The following USP10 variants were observed in gnomAD, a reference collection of about 807,000 sequenced individuals.
USP10 encodes the protein ubiquitin carboxyl-terminal hydrolase 10.
USP10 carries 22 observed loss-of-function variants against 84.5 expected under a neutral mutation model. The ratio of observed to expected loss-of-function variants is 0.26; its 90% CI spans 0.19 to 0.37. The LOEUF (loss-of-function observed/expected upper bound fraction) is 0.37, where lower values mean the gene tolerates loss of function less well. USP10 is among the 10% of genes least tolerant of loss of function. The pLI, the probability that USP10 is intolerant of heterozygous loss-of-function variation, is 1.00. For synonymous variants in USP10, 454 were observed against 387.6 expected, an observed-to-expected ratio of 1.17 and a Z score of -2.01; for missense variants, 1,019 against 998.9, an observed-to-expected ratio of 1.02 and a Z score of -0.27.
intron 10 of USP10, among the ~76,000 whole-genome samples, chr16:84,765,843 C>T (rs1166379987): frequency 6.6e-6 from 1 of 152,180 alleles, no homozygotes; most frequent in Non-Finnish European, 1.5e-5. Context: ...CAGCTTTTTG[C>T]TCATTCACAA....
At chr16:84,737,125 T>C (rs996555616) in intron 2 of USP10, among the ~76,000 whole-genome samples, 1 of 152,200 alleles carries the variant, frequency 6.6e-6, no homozygotes, top group Admixed American at 6.5e-5. Flanking sequence ...AGGAGGGCTT[T>C]GTGGTTCAGG....
Position 84,759,902 on chromosome 16 carries a change from T to G in USP10, c.1406T>G (p.Met469Arg). ...TPMIDSFVRL[M>R]NEFTNMPVPP... ...TTCCCCATGTTTAGTGTTCGGCTAATGAATGAGTTCACTAATATGCCAGTA... is the reference window on the plus strand; with the variant it reads ...TTCCCCATGTTTAGTGTTCGGCTAAGGAATGAGTTCACTAATATGCCAGTA... The change falls in exon 7 of 14, where the codon ATG becomes AGG. Residue 469 changes from methionine (M) to arginine (R), a missense_variant. Met to Arg is a moderately conservative substitution (Grantham distance 91). This residue lies in a region of USP10 where 787 missense variants were observed against 708.8 expected (regional missense o/e 1.11). Transcript: ENST00000219473. 1 of 1,614,008 alleles carries G rather than the reference T, an allele frequency of 6.2e-7. No individual in the cohort carries two copies. Among genetic ancestry groups the G allele is most frequent in the Non-Finnish European group, 8.5e-7 (1 of 1,179,876 alleles).
intron 1 of USP10, among the ~76,000 whole-genome samples, chr16:84,723,646 C>G (rs1025300062): frequency 3.3e-5 from 5 of 152,212 alleles, no homozygotes; most frequent in African/African-American, 1.2e-4. Flanking sequence ...AGCACCTACT[C>G]TATGCCAAGT....
At chr16:84,737,690 GTGTCACCTGCTGGCAC>G (rs887920667) in intron 2 of USP10, among the ~76,000 whole-genome samples, 1 of 152,210 alleles carries the variant, frequency 6.6e-6, no homozygotes, top group African/African-American at 2.4e-5. Flanking sequence ...CTTACTGGCA[GTGTCACCTGCTGGCAC>G]TGTCACCTGG....
intron 1 of USP10, among the ~76,000 whole-genome samples, chr16:84,721,551 G>A (rs1418319409): frequency 6.6e-6 from 1 of 152,112 alleles, no homozygotes; most frequent in East Asian, 1.9e-4. Context: ...TTTTTCAGAC[G>A]AGGTCTTGCT....
chr16:84,751,358 T>A (rs1226494714), intron 4 of USP10, among the ~76,000 whole-genome samples: 1 of 152,204 alleles, frequency 6.6e-6, no homozygotes, highest in African/African-American at 2.4e-5. Flanking sequence ...AGTTTATAAA[T>A]CATGCATATA....
intron 11 of USP10, among the ~76,000 whole-genome samples, chr16:84,769,133 C>T (rs1236623402): frequency 1.3e-5 from 2 of 152,148 alleles, no homozygotes; most frequent in Non-Finnish European, 2.9e-5. Context: ...TATGGACGGT[C>T]CATAGCATTC....
At chr16:84,778,632 A>G (rs924237248) in intron 13 of USP10, among the ~76,000 whole-genome samples, 11 of 152,180 alleles carry the variant, frequency 7.2e-5, no homozygotes, top group Admixed American at 2.0e-4. Flanking sequence ...GACATTTTAA[A>G]TATGTGGTTA....
chr16:84,771,575 G>A (rs927177809), intron 11 of USP10, among the ~76,000 whole-genome samples: 5 of 152,126 alleles, frequency 3.3e-5, no homozygotes, highest in Non-Finnish European at 7.3e-5. Flanking sequence ...ATTTTAAAAT[G>A]GGTCAATACT....
chr16:84,724,124 A>G (rs1225630832), intron 1 of USP10, among the ~76,000 whole-genome samples: 3 of 152,264 alleles, frequency 2.0e-5, no homozygotes, highest in African/African-American at 4.8e-5. Flanking sequence ...AAGTTATTCA[A>G]TAATGAGGGC....
intron 1 of USP10, among the ~76,000 whole-genome samples, chr16:84,720,834 G>A (rs1033009583): frequency 1.3e-4 from 19 of 150,478 alleles, no homozygotes; most frequent in African/African-American, 4.7e-4. Context: ...TGCCCACCTC[G>A]ACGTCGCAAA....
At chr16:84,757,401 GGGTGTGT>G (rs1912699871) in intron 4 of USP10, among the ~76,000 whole-genome samples, 4 of 26,102 alleles carry the variant, frequency 1.5e-4, no homozygotes, top group Non-Finnish European at 2.9e-4. Flanking sequence ...AGAGGGGTGG[GGGTGTGT>G]GTGTGTGTGT....
chr16:84,778,638 G>C (rs1390604341), intron 13 of USP10, among the ~76,000 whole-genome samples: 1 of 152,102 alleles, frequency 6.6e-6, no homozygotes, highest in Non-Finnish European at 1.5e-5. Flanking sequence ...TTAAATATGT[G>C]GTTAATATGC....
At position 84,745,256 on chromosome 16, in the gene USP10, G is replaced by C; in HGVS notation, c.775G>C (p.Ala259Pro). The change falls in exon 4 of 14, where the codon GCT becomes CCT. Residue 259 changes from alanine to proline, a missense_variant. Physicochemically the swap from Ala to Pro is conservative, Grantham distance 27. Around this residue, in one of 2 missense-constraint regions of USP10, gnomAD observed 787 missense variants for 708.8 expected, o/e 1.11. Transcript: ENST00000219473. Reference sequence around the variant, plus strand: ...TGGTCAGTCCTGCTTCCCTGCAGAGGCTGGCAGAGACACCCTGTCAAGGAC... The same window carrying C: ...TGGTCAGTCCTGCTTCCCTGCAGAGCCTGGCAGAGACACCCTGTCAAGGAC... ...DFGQSCFPAE[A>P]GRDTLSRTAG... The C allele has an allele frequency of 6.2e-7, 1 of 1,613,470 alleles. No homozygotes were observed. Among genetic ancestry groups the C allele is most frequent in the Non-Finnish European group, 8.5e-7 (1 of 1,179,684 alleles).
At chr16:84,714,926 A>G (rs1430659020) in intron 1 of USP10, among the ~76,000 whole-genome samples, 2 of 149,014 alleles carry the variant, frequency 1.3e-5, no homozygotes, top group South Asian at 2.1e-4. Context: ...TATTATTATT[A>G]TTATTATTAT....
At position 84,740,381 on chromosome 16, in the gene USP10, C is replaced by G; in HGVS notation, c.151+12C>G. 3 of 1,610,712 alleles carry G rather than the reference C, an allele frequency of 1.9e-6. No homozygotes were observed. Among genetic ancestry groups the G allele is most frequent in the South Asian group, 2.2e-5 (2 of 90,706 alleles). ...TAAACTACCTGATGGTAAGCTAGTT[C>G]TCTCCTTATTTCCCTGAAGGGAATT... On this transcript the variant is annotated intron_variant, in intron 3 of 13. Transcript: ENST00000219473.
chr16:84,707,948 C>G (rs1905759168), intron 1 of USP10, among the ~76,000 whole-genome samples: 1 of 152,068 alleles, frequency 6.6e-6, no homozygotes, highest in African/African-American at 2.4e-5. Flanking sequence ...CATGGTGGTG[C>G]TCTCCTGTAG....
intron 4 of USP10, among the ~76,000 whole-genome samples, chr16:84,748,093 G>T (rs1161586179): frequency 7.4e-6 from 1 of 135,634 alleles, no homozygotes; most frequent in East Asian, 2.3e-4. Flanking sequence ...GGCGGAGCTT[G>T]CAGTGAGCCG....
chr16:84,739,960 G>A (rs539757649), intron 2 of USP10, among the ~76,000 whole-genome samples: 1 of 152,316 alleles, frequency 6.6e-6, no homozygotes, highest in South Asian at 2.1e-4. Flanking sequence ...AAAAGTGTCT[G>A]TGGTCTGGAT....
Sources: gnomAD v4.1 joint callset for allele counts (sites outside exome capture counted in the v4.1 genomes callset) on GRCh38, gnomAD v4.1.1 for gene constraint, gnomAD v4.1.1 regional missense constraint, MANE v1.5 for transcripts, NCBI Gene and HGNC (gene_info 2026-07-23, HGNC 2026-07-21) for gene names.